The following ZNF385D variants were observed in gnomAD, a reference collection of about 807,000 sequenced individuals.
ZNF385D encodes zinc finger protein 659.
ZNF385D carries 15 observed loss-of-function variants against 35.8 expected under a neutral mutation model. The ratio of observed to expected loss-of-function variants is 0.42; its 90% CI spans 0.28 to 0.64. ZNF385D has a LOEUF of 0.64. ZNF385D is among the 30% of genes least tolerant of loss of function. The pLI is 0.23. For missense variants in ZNF385D, 474 were observed against 494.6 expected (o/e 0.96, Z 0.39); for synonymous variants, 212 against 186.8 (o/e 1.13, Z -1.10).
intron 3 of ZNF385D, among the ~76,000 whole-genome samples, chr3:22,109,144 G>C (rs1702380257): frequency 6.6e-6 from 1 of 152,146 alleles, no homozygotes; most frequent in Non-Finnish European, 1.5e-5. Context: ...AACCATATTT[G>C]ACTTCTGCTC....
chr3:21,983,568 T>C (rs1246305156), intron 3 of ZNF385D, among the ~76,000 whole-genome samples: 1 of 145,796 alleles, frequency 6.9e-6, no homozygotes. Flanking sequence ...CTATCATTGT[T>C]GGACATTTGG....
intron 2 of ZNF385D, among the ~76,000 whole-genome samples, chr3:22,278,881 G>A (rs1575020424): frequency 1.3e-5 from 2 of 152,030 alleles, no homozygotes; most frequent in African/African-American, 4.8e-5. Flanking sequence ...TTGGCTTGAC[G>A]TGACCTTTTC....
At chr3:22,320,044 A>G (rs562092151) in intron 2 of ZNF385D, among the ~76,000 whole-genome samples, 1 of 151,994 alleles carries the variant, frequency 6.6e-6, no homozygotes, top group Non-Finnish European at 1.5e-5. Context: ...TGAATTTCAC[A>G]AAACACATAC....
At chr3:21,691,479 C>T (rs1381755708) in intron 1 of ZNF385D, among the ~76,000 whole-genome samples, 1 of 152,074 alleles carries the variant, frequency 6.6e-6, no homozygotes, top group African/African-American at 2.4e-5. Flanking sequence ...AATCTCCTTC[C>T]CCTCTACCCA....
rs372254917 is a variant in ZNF385D, at chr3:21,809,710, A to G, written c.326-144682T>C. On this transcript the variant is annotated intron_variant, in intron 3 of 5. Transcript: ENST00000494108. ...TACCTATATACATATATACACATAT[A>G]TACATATATATACACACACATATAT... Among the ~76,000 whole-genome samples the G allele has an allele frequency of 1.3e-4, 20 of 151,368 alleles. 4 individuals are homozygous for G. Among genetic ancestry groups the G allele is most frequent in the Admixed American group, 1.2e-3 (18 of 15,122 alleles).
At chr3:21,791,696 T>C (rs1368186557) in intron 3 of ZNF385D, among the ~76,000 whole-genome samples, 1 of 152,180 alleles carries the variant, frequency 6.6e-6, no homozygotes, top group Admixed American at 6.5e-5. Flanking sequence ...GTTTAAGTAA[T>C]AGTTACTCAC....
At chr3:21,962,843 A>G (rs1318772870) in intron 3 of ZNF385D, among the ~76,000 whole-genome samples, 1 of 152,206 alleles carries the variant, frequency 6.6e-6, no homozygotes, top group Admixed American at 6.5e-5. Context: ...ATGTTTCATT[A>G]AACAAAGTTA....
intron 3 of ZNF385D, among the ~76,000 whole-genome samples, chr3:21,526,916 T>C (rs1396157880): frequency 1.3e-5 from 2 of 152,172 alleles, no homozygotes; most frequent in Non-Finnish European, 2.9e-5. Context: ...ATTTCCATAT[T>C]ATAAGTGAGT....
intron 3 of ZNF385D, among the ~76,000 whole-genome samples, chr3:21,947,978 C>T (rs1287224336): frequency 6.6e-6 from 1 of 152,102 alleles, no homozygotes; most frequent in Non-Finnish European, 1.5e-5. Flanking sequence ...TCTGATGCCA[C>T]TTGAAAAACC....
chr3:22,142,336 T>G (rs1704559753), intron 3 of ZNF385D, among the ~76,000 whole-genome samples: 1 of 152,206 alleles, frequency 6.6e-6, no homozygotes, highest in African/African-American at 2.4e-5. Flanking sequence ...CAATTGTTAT[T>G]TCTTTGGTTT....
chr3:21,663,008 G>A (rs2066284475), intron 2 of ZNF385D, among the ~76,000 whole-genome samples: 1 of 152,078 alleles, frequency 6.6e-6, no homozygotes. Flanking sequence ...ATGACACATG[G>A]GAGTTTTGTG....
chr3:21,614,545 A>G (rs1000713501), intron 2 of ZNF385D, among the ~76,000 whole-genome samples: 2 of 152,142 alleles, frequency 1.3e-5, no homozygotes, highest in Non-Finnish European at 2.9e-5. Context: ...GATGAATGGC[A>G]GGGGGTGATT....
At chr3:22,041,116 G>A (rs1698638290) in intron 3 of ZNF385D, among the ~76,000 whole-genome samples, 1 of 151,998 alleles carries the variant, frequency 6.6e-6, no homozygotes, top group Non-Finnish European at 1.5e-5. Context: ...TCTCTTCTCT[G>A]TTTTCCTCTA....
At chr3:21,593,487 A>G (rs2064041548) in intron 2 of ZNF385D, among the ~76,000 whole-genome samples, 1 of 152,114 alleles carries the variant, frequency 6.6e-6, no homozygotes, top group African/African-American at 2.4e-5. Context: ...TTTCTATACG[A>G]GTTTTAAAAA....
At chr3:22,142,539 A>C (rs1704572320) in intron 3 of ZNF385D, among the ~76,000 whole-genome samples, 1 of 152,062 alleles carries the variant, frequency 6.6e-6, no homozygotes. Context: ...TTAACATTTT[A>C]ATTTGTTTAA....
In ZNF385D at chr3:22,160,716, G is replaced by A. The variant is rs535757156; in HGVS notation, c.325+8101C>T. On this transcript the variant is annotated intron_variant, in intron 3 of 5. Transcript: ENST00000494108. The stretch of plus-strand genomic sequence containing the variant: ...AAACAATGAACACCAAAAGACTCTA[G>A]AATACTTGCAGATAAAGCTGAATTA... Among the ~76,000 whole-genome samples, 3 of 152,166 alleles carry A rather than the reference G, an allele frequency of 2.0e-5. No homozygotes were observed. In the East Asian group the frequency reaches 5.8e-4, roughly 29 times the overall value.
chr3:21,974,869 T>C (rs1473619634), intron 3 of ZNF385D, among the ~76,000 whole-genome samples: 2 of 152,156 alleles, frequency 1.3e-5, no homozygotes, highest in East Asian at 1.9e-4. Flanking sequence ...TACACTGAGA[T>C]ATCATCTTAT....
chr3:22,119,238 G>C (rs1051822343), intron 3 of ZNF385D, among the ~76,000 whole-genome samples: 3 of 151,978 alleles, frequency 2.0e-5, no homozygotes, highest in African/African-American at 4.8e-5. Context: ...ACTTAACATG[G>C]ATTAAGAATA....
At chr3:22,342,276 C>CAAAAAAAAA in intron 2 of ZNF385D, among the ~76,000 whole-genome samples, 1 of 53,508 alleles carries the variant, frequency 1.9e-5, no homozygotes, top group Non-Finnish European at 3.8e-5. Context: ...GACTCCGCCT[C>CAAAAAAAAA]AAAAAAAAAA....
Sources: gnomAD v4.1 joint callset for allele counts (sites outside exome capture counted in the v4.1 genomes callset) on GRCh38, gnomAD v4.1.1 for gene constraint, MANE v1.5 for transcripts, NCBI Gene and HGNC (gene_info 2026-07-23, HGNC 2026-07-21) for gene names.